Variants in TRAK1 observed in about 807,000 individuals in gnomAD.
TRAK1 encodes trafficking kinesin-binding protein 1.
In TRAK1, 33 loss-of-function variants were observed where a neutral mutation model predicts 92.1. The ratio of observed to expected loss-of-function variants is 0.36; its 90% CI spans 0.27 to 0.48. The LOEUF (loss-of-function observed/expected upper bound fraction) is 0.48. Ranked by LOEUF, TRAK1 falls within the 20% of genes least tolerant of loss-of-function variation. The pLI, the probability that TRAK1 is intolerant of heterozygous loss-of-function variation, is 0.99. For synonymous variants in TRAK1, 521 were observed against 517.3 expected, an observed-to-expected ratio of 1.01 and a Z score of -0.10; for missense variants, 1,123 against 1,257.9, an observed-to-expected ratio of 0.89 and a Z score of 1.62.
chr3:42,129,467 T>C (rs1696916700), intron 2 of TRAK1, among the ~76,000 whole-genome samples: 1 of 152,144 alleles, frequency 6.6e-6, no homozygotes, highest in African/African-American at 2.4e-5. Flanking sequence ...CTTTTAAATT[T>C]GGCCCTCACT....
chr3:42,054,016 C>A (rs955088563), intron 1 of TRAK1, among the ~76,000 whole-genome samples: 1 of 152,198 alleles, frequency 6.6e-6, no homozygotes, highest in Non-Finnish European at 1.5e-5. Context: ...CTAAGACCAA[C>A]ATCGTGGAGT....
At chr3:42,064,969 C>T (rs1315165816) in intron 1 of TRAK1, among the ~76,000 whole-genome samples, 1 of 149,970 alleles carries the variant, frequency 6.7e-6, no homozygotes, top group East Asian at 2.5e-4. Flanking sequence ...AGGAGAATGG[C>T]GGGAGGCTGA....
chr3:42,181,350 C>T (rs1703976315), intron 3 of TRAK1, among the ~76,000 whole-genome samples: 2 of 152,168 alleles, frequency 1.3e-5, no homozygotes, highest in Non-Finnish European at 2.9e-5. Context: ...CCGATACTAG[C>T]CTGGCCTACA....
intron 1 of TRAK1, among the ~76,000 whole-genome samples, chr3:42,072,026 A>T (rs1255293203): frequency 6.6e-6 from 1 of 152,158 alleles, no homozygotes; most frequent in Non-Finnish European, 1.5e-5. Flanking sequence ...ATTGGACGTT[A>T]CAGTGGGGCA....
At chr3:42,068,549 ACT>A (rs1703777563) in intron 1 of TRAK1, among the ~76,000 whole-genome samples, 1 of 152,040 alleles carries the variant, frequency 6.6e-6, no homozygotes, top group African/African-American at 2.4e-5. Flanking sequence ...TTCATTTTGC[ACT>A]CTTTGAGTTT....
intron 2 of TRAK1, chr3:42,145,795 C>A (rs2149240352): frequency 4.3e-6 from 1 of 230,888 alleles, no homozygotes; most frequent in South Asian, 6.0e-5. Context: ...GGAACATAAG[C>A]TAGTGGGCCT....
At chr3:42,175,468 C>G (rs1703093212) in intron 2 of TRAK1, among the ~76,000 whole-genome samples, 1 of 152,160 alleles carries the variant, frequency 6.6e-6, no homozygotes, top group Non-Finnish European at 1.5e-5. Context: ...GCAGCTCTGT[C>G]TGAGGCAGCA....
intron 4 of TRAK1, among the ~76,000 whole-genome samples, chr3:42,185,390 A>G (rs1704645536): frequency 6.6e-6 from 1 of 152,228 alleles, no homozygotes. Context: ...CCATGATATA[A>G]ATCTTGGCTG....
chr3:42,083,703 C>T (rs1704536788), upstream of TRAK1, among the ~76,000 whole-genome samples: 1 of 151,976 alleles, frequency 6.6e-6, no homozygotes, highest in Non-Finnish European at 1.5e-5. Flanking sequence ...GGTGAAACCT[C>T]ATCTCTACTA....
intron 1 of TRAK1, among the ~76,000 whole-genome samples, chr3:42,046,083 C>A (rs75846750): frequency 6.6e-6 from 1 of 152,100 alleles, no homozygotes; most frequent in African/African-American, 2.4e-5. Context: ...CATCTCTGAG[C>A]CTGCAGAGAA....
intron 12 of TRAK1, among the ~76,000 whole-genome samples, chr3:42,201,488 T>C (rs1707555387): frequency 1.3e-5 from 2 of 151,908 alleles, no homozygotes; most frequent in South Asian, 2.1e-4. Context: ...CTTACAGTTC[T>C]CCAAATCTGT....
At chr3:42,200,323 T>C (rs1707347981) in intron 11 of TRAK1, among the ~76,000 whole-genome samples, 1 of 152,234 alleles carries the variant, frequency 6.6e-6, no homozygotes, top group Non-Finnish European at 1.5e-5. Context: ...ATCTAGTATT[T>C]ATCATCTTAT....
intron 10 of TRAK1, 65 bp downstream of exon 10, chr3:42,195,006 G>C: frequency 1.3e-6 from 2 of 1,581,502 alleles, no homozygotes; most frequent in South Asian, 2.3e-5. Context: ...CACAGTGTCT[G>C]ACATTCTGGC....
chr3:42,110,958 T>A (rs992725964), intron 1 of TRAK1, among the ~76,000 whole-genome samples: 6 of 152,140 alleles, frequency 3.9e-5, no homozygotes, highest in Non-Finnish European at 8.8e-5. Context: ...AGCTGTGTAG[T>A]CCAATGACAG....
intron 2 of TRAK1, among the ~76,000 whole-genome samples, chr3:42,166,689 T>C (rs1213019570): frequency 1.3e-5 from 2 of 152,266 alleles, no homozygotes; most frequent in Non-Finnish European, 2.9e-5. Flanking sequence ...TAACTTGTAT[T>C]GGTGTCCTGC....
chr3:42,113,917 A>T (rs1280549688), intron 1 of TRAK1, among the ~76,000 whole-genome samples: 1 of 152,052 alleles, frequency 6.6e-6, no homozygotes, highest in Non-Finnish European at 1.5e-5. Context: ...TGCACCCATA[A>T]CCGTTTAGTT....
At chr3:42,021,069 A>C (rs1701704992) in intron 1 of TRAK1, among the ~76,000 whole-genome samples, 1 of 152,234 alleles carries the variant, frequency 6.6e-6, no homozygotes, top group African/African-American at 2.4e-5. Flanking sequence ...TTAAAAACTC[A>C]AAACAAACAA....
chr3:42,035,249 C>G (rs1332176644), intron 1 of TRAK1, among the ~76,000 whole-genome samples: 1 of 152,072 alleles, frequency 6.6e-6, no homozygotes. Flanking sequence ...CTTGGTTTTC[C>G]TCCTACTTCT....
At chr3:42,093,737 C>T (rs1204184321) in intron 1 of TRAK1, among the ~76,000 whole-genome samples, 1 of 122,416 alleles carries the variant, frequency 8.2e-6, no homozygotes, top group Admixed American at 9.4e-5. Flanking sequence ...AGTCTCACTT[C>T]TATCACCCAG....
Sources: allele counts gnomAD v4.1 joint callset (sites outside exome capture counted in the v4.1 genomes callset), GRCh38; gene constraint gnomAD v4.1.1; transcripts MANE v1.5; gene names NCBI Gene and HGNC (gene_info 2026-07-23, HGNC 2026-07-21).